Variants in HIVEP1 observed in about 807,000 individuals in gnomAD.
The protein encoded by HIVEP1 is zinc finger protein 40.
Under a neutral mutation model 180.0 loss-of-function variants are expected in HIVEP1, and 36 were observed. That is an observed-to-expected ratio of 0.20 (90% confidence interval 0.15 to 0.26). The LOEUF is 0.26. HIVEP1 is among the 10% of genes least tolerant of loss of function. The pLI is 1.00. For synonymous variants in HIVEP1, 1,239 were observed against 1,239.0 expected, an observed-to-expected ratio of 1.00 and a Z score of 0.00; for missense variants, 3,143 against 3,268.7, an observed-to-expected ratio of 0.96 and a Z score of 0.94.
chr6:12,134,511 T>G (rs957046215), intron 6 of HIVEP1, among the ~76,000 whole-genome samples: 105 of 152,382 alleles, frequency 6.9e-4, no homozygotes, highest in African/African-American at 2.3e-3. Context: ...ATTTTCCATG[T>G]GCTTCGGCTA....
intron 2 of HIVEP1, among the ~76,000 whole-genome samples, chr6:12,082,674 C>G (rs1772866088): frequency 6.6e-6 from 1 of 152,152 alleles, no homozygotes; most frequent in Non-Finnish European, 1.5e-5. Context: ...TGCCTCTTTG[C>G]CTTTCCAAAC....
chr6:12,105,451 C>T (rs1774365707), intron 3 of HIVEP1, among the ~76,000 whole-genome samples: 1 of 152,164 alleles, frequency 6.6e-6, no homozygotes, highest in Non-Finnish European at 1.5e-5. Flanking sequence ...TTTATCCTCT[C>T]CAGGATCTTG....
At chr6:12,055,270 C>G (rs781607889) in intron 2 of HIVEP1, among the ~76,000 whole-genome samples, 4 of 152,104 alleles carry the variant, frequency 2.6e-5, no homozygotes, top group African/African-American at 9.7e-5. Context: ...GTCAGGAGAT[C>G]GAGACCATCC....
At chr6:12,056,597 A>G (rs909506523) in intron 2 of HIVEP1, among the ~76,000 whole-genome samples, 2 of 152,192 alleles carry the variant, frequency 1.3e-5, no homozygotes, top group Non-Finnish European at 2.9e-5. Flanking sequence ...TGCAAATAAA[A>G]TGATTTTGTT....
intron 2 of HIVEP1, 152 bp downstream of exon 2, chr6:12,015,820 C>G (rs1767705458): frequency 4.6e-6 from 3 of 648,388 alleles, no homozygotes; most frequent in Non-Finnish European, 8.1e-6. Context: ...CTGCACAATT[C>G]CTGTCTCTCA....
At chr6:12,070,862 T>A (rs1014986067) in intron 2 of HIVEP1, among the ~76,000 whole-genome samples, 2 of 152,234 alleles carry the variant, frequency 1.3e-5, no homozygotes, top group African/African-American at 4.8e-5. Flanking sequence ...CTTGCTGATT[T>A]TTAATTTTCT....
Position 12,015,649 on chromosome 6 carries a change from T to C in HIVEP1, c.21T>C (p.Ile7=). The C allele has an allele frequency of 6.2e-7, 1 of 1,613,758 alleles. No homozygotes were observed. Among genetic ancestry groups the C allele is most frequent in the Non-Finnish European group, 8.5e-7 (1 of 1,179,780 alleles). The change falls in exon 2 of 9, where the codon ATT becomes ATC. Residue 7 remains isoleucine, a synonymous_variant. Transcript: ENST00000379388. MPRTKQ[I]HPRNLRDKIE... ...AGAAGATGCCTCGAACTAAACAAAT[T>C]CATCCCAGAAATCTAAGAGGTAAAG...
chr6:12,012,098 C>A (rs1767366948), upstream of HIVEP1: 3 of 147,138 alleles, frequency 2.0e-5, no homozygotes, highest in South Asian at 5.5e-4. Flanking sequence ...CCCGCGGCCC[C>A]AGGGTCTGTC....
Position 12,124,635 on chromosome 6 carries a change from C to G in HIVEP1, c.4840C>G (p.Pro1614Ala), listed in dbSNP as rs761408357. Residue 1614 changes from proline (P) to alanine (A), a missense_variant, in exon 4 of 9, where the codon CCT (proline) becomes GCT (alanine). Pro to Ala is a conservative substitution (Grantham distance 27, BLOSUM62 -1). Transcript: ENST00000379388. ...KLIDSMSNSHPLLPPELRPLG... is the reference protein window; with the variant it reads ...KLIDSMSNSHALLPPELRPLG... ...AATTGACAGCATGTCTAATTCGCATCCTCTGCTACCACCAGAGCTCAGGCC... is the reference window on the plus strand; with the variant it reads ...AATTGACAGCATGTCTAATTCGCATGCTCTGCTACCACCAGAGCTCAGGCC... The G allele has an allele frequency of 2.5e-6, 4 of 1,614,148 alleles. No homozygotes were observed. The South Asian group carries it at 4.4e-5, about 18-fold the overall frequency.
At chr6:12,018,046 A>C (rs1313246232) in intron 2 of HIVEP1, among the ~76,000 whole-genome samples, 1 of 152,252 alleles carries the variant, frequency 6.6e-6, no homozygotes. Flanking sequence ...GGCGGGCTGC[A>C]GGTCCTGAGC....
At chr6:12,108,712 C>G (rs1357982227) in intron 3 of HIVEP1, among the ~76,000 whole-genome samples, 1 of 152,214 alleles carries the variant, frequency 6.6e-6, no homozygotes, top group Non-Finnish European at 1.5e-5. Context: ...CACGCCCACC[C>G]GGAGCTCCAG....
chr6:12,179,773 T>C, the HIVEP1 span, among the ~76,000 whole-genome samples: 1 of 152,194 alleles, frequency 6.6e-6, no homozygotes, highest in South Asian at 2.1e-4. Flanking sequence ...AAAAGTTCAG[T>C]AGAAATCTAC....
chr6:12,204,716 A>AT, the HIVEP1 span, among the ~76,000 whole-genome samples: 3 of 152,210 alleles, frequency 2.0e-5, no homozygotes, highest in Admixed American at 6.5e-5. Flanking sequence ...AAGTGCTGGA[A>AT]TTACAGCAGT....
chr6:12,200,890 A>G, the HIVEP1 span, among the ~76,000 whole-genome samples: 1 of 152,206 alleles, frequency 6.6e-6, no homozygotes, highest in African/African-American at 2.4e-5. Flanking sequence ...ACTGCAGAAA[A>G]ATGTTTCATA....
intron 4 of HIVEP1, among the ~76,000 whole-genome samples, chr6:12,127,879 G>GC (rs1279561711): frequency 2.0e-5 from 3 of 152,316 alleles, no homozygotes; most frequent in Admixed American, 6.5e-5. Context: ...GCAGATCACT[G>GC]GAGAGTTGAG....
chr6:12,057,202 C>T (rs983519525), intron 2 of HIVEP1, among the ~76,000 whole-genome samples: 3 of 152,114 alleles, frequency 2.0e-5, no homozygotes, highest in Non-Finnish European at 2.9e-5. Flanking sequence ...TTGAGTACAA[C>T]TGTATTTTAA....
At chr6:12,099,618 C>T (rs1482036214) in intron 3 of HIVEP1, among the ~76,000 whole-genome samples, 1 of 152,126 alleles carries the variant, frequency 6.6e-6, no homozygotes, top group Non-Finnish European at 1.5e-5. Context: ...CACCCTCACC[C>T]TCTCACCTCT....
chr6:12,104,112 G>C (rs1272980558), intron 3 of HIVEP1, among the ~76,000 whole-genome samples: 2 of 151,976 alleles, frequency 1.3e-5, no homozygotes, highest in African/African-American at 4.8e-5. Context: ...CCTTGTCTTT[G>C]ACTTTCATAG....
At chr6:12,089,870 G>A (rs532686442) in intron 3 of HIVEP1, among the ~76,000 whole-genome samples, 37 of 151,240 alleles carry the variant, frequency 2.4e-4, no homozygotes, top group African/African-American at 7.1e-4. Flanking sequence ...ATATATATAC[G>A]CATACACACA....
Sources: allele counts gnomAD v4.1 joint callset (sites outside exome capture counted in the v4.1 genomes callset), GRCh38; gene constraint gnomAD v4.1.1; transcripts MANE v1.5; gene names NCBI Gene and HGNC (gene_info 2026-07-23, HGNC 2026-07-21).